The following FAF1 variants were observed in gnomAD, a reference collection of about 807,000 sequenced individuals.
The protein encoded by FAF1 is FAS-associated factor 1.
In FAF1, 25 loss-of-function variants were observed where a neutral mutation model predicts 92.5. The observed-to-expected ratio is 0.27, with a 90% CI of 0.20 to 0.38. The LOEUF is 0.38. FAF1 is among the 10% of genes least tolerant of loss of function. The pLI is 1.00. For missense variants in FAF1, 636 were observed against 793.3 expected (o/e 0.80, Z 2.38); for synonymous variants, 234 against 273.2 (o/e 0.86, Z 1.42).
At chr1:50,851,154 C>T (rs1409137605) in intron 2 of FAF1, among the ~76,000 whole-genome samples, 1 of 150,262 alleles carries the variant, frequency 6.7e-6, no homozygotes, top group Non-Finnish European at 1.5e-5. Flanking sequence ...GATCTCAGCT[C>T]ACTACAACTT....
intron 8 of FAF1, among the ~76,000 whole-genome samples, chr1:50,636,950 T>A (rs557896578): frequency 2.0e-5 from 3 of 152,126 alleles, no homozygotes; most frequent in African/African-American, 7.2e-5. Context: ...AAGAACAAAC[T>A]GTCTCCACCG....
intron 2 of FAF1, among the ~76,000 whole-genome samples, chr1:50,853,621 C>T (rs1159613938): frequency 6.6e-6 from 1 of 151,920 alleles, no homozygotes; most frequent in East Asian, 1.9e-4. Context: ...CGTAGTATGG[C>T]TAGGTTAATG....
intron 3 of FAF1, among the ~76,000 whole-genome samples, chr1:50,800,040 A>C (rs1435598847): frequency 1.3e-5 from 2 of 152,220 alleles, no homozygotes; most frequent in African/African-American, 4.8e-5. Context: ...CATATGTTTC[A>C]TTCCTTCAAA....
chr1:50,581,631 G>A (rs964162592), intron 12 of FAF1, among the ~76,000 whole-genome samples: 1 of 152,162 alleles, frequency 6.6e-6, no homozygotes, highest in Non-Finnish European at 1.5e-5. Context: ...TAAGAGATAA[G>A]CAGAGGGTTT....
At chr1:50,455,294 G>C (rs1646337978) in intron 18 of FAF1, among the ~76,000 whole-genome samples, 1 of 152,204 alleles carries the variant, frequency 6.6e-6, no homozygotes, top group African/African-American at 2.4e-5. Flanking sequence ...GAGAAAACTG[G>C]TTCTGAATTA....
chr1:50,580,043 A>G (rs949517210), intron 12 of FAF1, among the ~76,000 whole-genome samples: 14 of 152,296 alleles, frequency 9.2e-5, no homozygotes, highest in African/African-American at 3.1e-4. Context: ...TATGACATCT[A>G]TAATTTATTT....
intron 4 of FAF1, among the ~76,000 whole-genome samples, chr1:50,786,416 CAG>C (rs1661366744): frequency 6.6e-6 from 1 of 152,036 alleles, no homozygotes; most frequent in African/African-American, 2.4e-5. Context: ...CTTACAGAAA[CAG>C]AAGATAGAAT....
At chr1:50,850,189 T>A (rs1414812822) in intron 2 of FAF1, among the ~76,000 whole-genome samples, 1 of 151,626 alleles carries the variant, frequency 6.6e-6, no homozygotes, top group African/African-American at 2.4e-5. Flanking sequence ...GGGAGATCTA[T>A]AATAGCAAAA....
chr1:50,460,336 T>G (rs1646410154), intron 18 of FAF1, among the ~76,000 whole-genome samples: 1 of 152,190 alleles, frequency 6.6e-6, no homozygotes, highest in Non-Finnish European at 1.5e-5. Context: ...GTATATTTAG[T>G]GTCATGTTTT....
intron 18 of FAF1, among the ~76,000 whole-genome samples, chr1:50,445,133 C>T (rs541727703): frequency 5.1e-4 from 77 of 152,218 alleles, no homozygotes; most frequent in African/African-American, 1.5e-3. Context: ...GTTTTTGTTA[C>T]ATGGGTATGT....
intron 6 of FAF1, among the ~76,000 whole-genome samples, chr1:50,709,626 T>A (rs758991131): frequency 6.6e-6 from 1 of 152,068 alleles, no homozygotes. Flanking sequence ...TACAAAGAGG[T>A]AGAATCCAGC....
chr1:50,904,880 C>CT (rs879719866), intron 1 of FAF1, among the ~76,000 whole-genome samples: 3,780 of 147,374 alleles, frequency 0.026, 144 homozygotes, highest in African/African-American at 0.084. Context: ...TATTTTTTTC[C>CT]TTTTTTTTTT....
At chr1:50,861,915 C>G (rs1644436407) in intron 1 of FAF1, among the ~76,000 whole-genome samples, 1 of 151,788 alleles carries the variant, frequency 6.6e-6, no homozygotes, top group East Asian at 1.9e-4. Flanking sequence ...CTCTGGTACC[C>G]TGATGACACA....
chr1:50,644,602 G>A (rs1388635170), intron 8 of FAF1, among the ~76,000 whole-genome samples: 1 of 152,222 alleles, frequency 6.6e-6, no homozygotes, highest in Non-Finnish European at 1.5e-5. Context: ...AAATTACCAA[G>A]TTCTGTTTTA....
chr1:50,594,314 CAAAA>C (rs57900829), intron 9 of FAF1, among the ~76,000 whole-genome samples: 1 of 81,214 alleles, frequency 1.2e-5, no homozygotes, highest in Non-Finnish European at 2.7e-5. Flanking sequence ...GATCCTGTCT[CAAAA>C]AAAAAAAAAA....
chr1:50,906,688 A>T (rs954778949), intron 1 of FAF1, among the ~76,000 whole-genome samples: 3 of 152,092 alleles, frequency 2.0e-5, no homozygotes, highest in African/African-American at 7.2e-5. Flanking sequence ...TTTGTCTGTT[A>T]TTGGTGTATA....
chr1:50,634,026 T>G (rs951279938), intron 8 of FAF1, among the ~76,000 whole-genome samples: 1 of 152,234 alleles, frequency 6.6e-6, no homozygotes, highest in Non-Finnish European at 1.5e-5. Flanking sequence ...CTGTGGATAT[T>G]TATTTTTTAA....
At chr1:50,604,581 G>T (rs1161377077) in intron 8 of FAF1, among the ~76,000 whole-genome samples, 1 of 152,032 alleles carries the variant, frequency 6.6e-6, no homozygotes, top group East Asian at 1.9e-4. Flanking sequence ...AATCACGGCC[G>T]ACTGCCACCT....
At chr1:50,845,991 G>A (rs1407590042) in intron 2 of FAF1, among the ~76,000 whole-genome samples, 1 of 151,952 alleles carries the variant, frequency 6.6e-6, no homozygotes, top group Non-Finnish European at 1.5e-5. Flanking sequence ...GGGCGTGGTG[G>A]GGCACGCCTG....
Sources: gnomAD v4.1 joint callset for allele counts (sites outside exome capture counted in the v4.1 genomes callset) on GRCh38, gnomAD v4.1.1 for gene constraint, MANE v1.5 for transcripts, NCBI Gene and HGNC (gene_info 2026-07-23, HGNC 2026-07-21) for gene names.